Variants in CDKAL1 observed in about 807,000 individuals in gnomAD.
The protein encoded by CDKAL1 is CDKAL1 threonylcarbamoyladenosine tRNA methylthiotransferase.
Under a neutral mutation model 68.2 loss-of-function variants are expected in CDKAL1, and 32 were observed. That is an observed-to-expected ratio of 0.47 (90% CI 0.35 to 0.63). The LOEUF (loss-of-function observed/expected upper bound fraction) is 0.63, where lower values mean the gene tolerates loss of function less well. Among genes scored for constraint, CDKAL1 ranks in the 30% least tolerant of loss-of-function variants. The pLI is 0.00. For synonymous variants in CDKAL1, 234 were observed against 244.3 expected (o/e 0.96, Z 0.39); for missense variants, 606 against 696.7 (o/e 0.87, Z 1.47).
chr6:21,178,168 A>G (rs1343423597), intron 13 of CDKAL1, among the ~76,000 whole-genome samples: 3 of 152,184 alleles, frequency 2.0e-5, no homozygotes, highest in Non-Finnish European at 2.9e-5. Flanking sequence ...TTTAAGGGGC[A>G]ATCATATAGT....
intron 10 of CDKAL1, among the ~76,000 whole-genome samples, chr6:20,990,197 C>G (rs567133205): frequency 2.6e-5 from 4 of 152,090 alleles, no homozygotes; most frequent in African/African-American, 9.6e-5. Context: ...GAGCCAAGAT[C>G]GCAACACTGC....
intron 13 of CDKAL1, among the ~76,000 whole-genome samples, chr6:21,179,365 T>C (rs1388599380): frequency 3.9e-5 from 6 of 152,214 alleles, no homozygotes; most frequent in Admixed American, 3.9e-4. Context: ...GGGCCTTATT[T>C]AACCTCAAGA....
intron 9 of CDKAL1, among the ~76,000 whole-genome samples, chr6:20,861,424 A>G (rs1045755536): frequency 1.3e-5 from 2 of 152,268 alleles, no homozygotes; most frequent in Non-Finnish European, 2.9e-5. Context: ...CTTTTGGCAT[A>G]AAAATTATTT....
At chr6:20,640,075 A>T (rs1768099173) in intron 4 of CDKAL1, among the ~76,000 whole-genome samples, 1 of 152,216 alleles carries the variant, frequency 6.6e-6, no homozygotes. Context: ...GCAGTCAATG[A>T]TTTGTGTTAC....
intron 5 of CDKAL1, among the ~76,000 whole-genome samples, chr6:20,672,942 A>G (rs762724104): frequency 1.3e-5 from 2 of 151,602 alleles, no homozygotes; most frequent in Non-Finnish European, 2.9e-5. Flanking sequence ...ATGCCCAGCT[A>G]ATTTTTGTGT....
intron 5 of CDKAL1, among the ~76,000 whole-genome samples, chr6:20,653,962 G>T (rs13203887): frequency 3.3e-5 from 5 of 150,818 alleles, no homozygotes; most frequent in Middle Eastern, 3.2e-3. Flanking sequence ...GGCCAGGCTG[G>T]TCTTGAACTT....
intron 10 of CDKAL1, among the ~76,000 whole-genome samples, chr6:20,997,541 C>A (rs189144581): frequency 1.8e-5 from 1 of 54,604 alleles, no homozygotes; most frequent in Admixed American, 2.3e-4. Context: ...ACGGGGGTGG[C>A]GGGGGGAGGG....
chr6:20,975,145 A>C (rs1337316365), intron 10 of CDKAL1, among the ~76,000 whole-genome samples: 1 of 152,144 alleles, frequency 6.6e-6, no homozygotes, highest in African/African-American at 2.4e-5. Flanking sequence ...GATTGGGAGG[A>C]AAAATACCAA....
chr6:20,687,623 C>T (rs1036069226), intron 5 of CDKAL1, among the ~76,000 whole-genome samples: 5 of 152,062 alleles, frequency 3.3e-5, no homozygotes, highest in Non-Finnish European at 7.3e-5. Flanking sequence ...ACTGCAGCCT[C>T]GACCTCCTAG....
chr6:21,025,438 T>C (rs966598077), intron 11 of CDKAL1, among the ~76,000 whole-genome samples: 1 of 152,208 alleles, frequency 6.6e-6, no homozygotes, highest in African/African-American at 2.4e-5. Flanking sequence ...ATATACTTAA[T>C]CAAATTTTAA....
At chr6:21,213,674 T>C (rs532346690) in intron 15 of CDKAL1, among the ~76,000 whole-genome samples, 3 of 152,342 alleles carry the variant, frequency 2.0e-5, no homozygotes, top group Non-Finnish European at 4.4e-5. Context: ...TTAAATATTC[T>C]TGTGGGAAGT....
At chr6:20,797,693 T>C (rs1165158125) in intron 8 of CDKAL1, among the ~76,000 whole-genome samples, 5 of 152,184 alleles carry the variant, frequency 3.3e-5, no homozygotes, top group Non-Finnish European at 7.3e-5. Context: ...ACATCTTGGA[T>C]GGATGTAAAA....
chr6:20,948,751 A>C (rs1443204019), intron 9 of CDKAL1, among the ~76,000 whole-genome samples: 2 of 152,228 alleles, frequency 1.3e-5, no homozygotes, highest in Non-Finnish European at 2.9e-5. Flanking sequence ...AGGGGTATTA[A>C]AAATGCCCAT....
intron 13 of CDKAL1, among the ~76,000 whole-genome samples, chr6:21,132,798 C>G (rs1339559803): frequency 2.6e-5 from 4 of 152,236 alleles, no homozygotes; most frequent in East Asian, 1.9e-4. Context: ...TGTCTACCCC[C>G]CAAAACTCCA....
chr6:20,936,472 G>A (rs1365842275), intron 9 of CDKAL1, among the ~76,000 whole-genome samples: 1 of 150,716 alleles, frequency 6.6e-6, no homozygotes, highest in Admixed American at 6.6e-5. Flanking sequence ...GGATGGTCTC[G>A]ATCTCCTGAC....
intron 10 of CDKAL1, among the ~76,000 whole-genome samples, chr6:20,999,663 TAAA>T (rs36078234): frequency 1.3e-4 from 12 of 93,374 alleles, no homozygotes; most frequent in African/African-American, 4.6e-4. Context: ...TGACTGAAAT[TAAA>T]AAAAAAAAAA....
intron 9 of CDKAL1, among the ~76,000 whole-genome samples, chr6:20,855,803 T>G (rs1430666232): frequency 6.6e-6 from 1 of 152,234 alleles, no homozygotes; most frequent in Non-Finnish European, 1.5e-5. Context: ...TTAATAAGTA[T>G]ACATCCATGG....
chr6:20,592,749 G>C (rs955307150), intron 4 of CDKAL1, among the ~76,000 whole-genome samples: 1 of 152,106 alleles, frequency 6.6e-6, no homozygotes, highest in Non-Finnish European at 1.5e-5. Flanking sequence ...TTACAGGTGT[G>C]AGCCGCTGTG....
intron 11 of CDKAL1, among the ~76,000 whole-genome samples, chr6:21,017,286 T>C (rs907418466): frequency 1.3e-5 from 2 of 152,310 alleles, no homozygotes; most frequent in East Asian, 1.9e-4. Flanking sequence ...CTTTTGTTGG[T>C]GTTATAAGCA....
Sources: gnomAD v4.1 joint callset for allele counts (sites outside exome capture counted in the v4.1 genomes callset) on GRCh38, gnomAD v4.1.1 for gene constraint, MANE v1.5 for transcripts, NCBI Gene and HGNC (gene_info 2026-07-23, HGNC 2026-07-21) for gene names.